RAPGEF4: variants seen among roughly 807,000 people sequenced by gnomAD.
RAPGEF4 encodes Rap guanine nucleotide exchange factor 4, also known as RAP guanine-nucleotide-exchange factor (GEF) 4.
In RAPGEF4, 66 loss-of-function variants were observed where a neutral mutation model predicts 147.9. That is an observed-to-expected ratio of 0.45 (90% CI 0.37 to 0.55). The LOEUF (loss-of-function observed/expected upper bound fraction) is 0.55, where lower values mean the gene tolerates loss of function less well. Ranked by LOEUF, RAPGEF4 falls within the 20% of genes least tolerant of loss-of-function variation. RAPGEF4 has a pLI of 0.00. For synonymous variants in RAPGEF4, 419 were observed against 442.7 expected, an observed-to-expected ratio of 0.95 and a Z score of 0.67; for missense variants, 1,071 against 1,257.3, an observed-to-expected ratio of 0.85 and a Z score of 2.24.
At chr2:172,879,953 A>C (rs1389474484) in intron 4 of RAPGEF4, among the ~76,000 whole-genome samples, 2 of 152,164 alleles carry the variant, frequency 1.3e-5, no homozygotes, top group Non-Finnish European at 2.9e-5. Flanking sequence ...TTTCCTTTTT[A>C]TTTTGGTAGT....
chr2:172,798,133 A>G (rs1686574168), intron 3 of RAPGEF4, among the ~76,000 whole-genome samples: 1 of 152,072 alleles, frequency 6.6e-6, no homozygotes, highest in South Asian at 2.1e-4. Flanking sequence ...GAAGGCTAAT[A>G]ATATTATTTT....
intron 10 of RAPGEF4, among the ~76,000 whole-genome samples, chr2:172,973,522 GA>G (rs954809827): frequency 1.2e-4 from 18 of 152,200 alleles, no homozygotes; most frequent in Admixed American, 9.2e-4. Context: ...AAGATGCTGG[GA>G]AAGTTCCCGC....
At chr2:172,762,134 A>C (rs1696409113) in intron 1 of RAPGEF4, among the ~76,000 whole-genome samples, 1 of 152,168 alleles carries the variant, frequency 6.6e-6, no homozygotes, top group South Asian at 2.1e-4. Context: ...AACAAACAAA[A>C]AACAAACATG....
chr2:172,973,960 A>G (rs995010605), intron 10 of RAPGEF4, among the ~76,000 whole-genome samples: 2 of 152,190 alleles, frequency 1.3e-5, no homozygotes, highest in African/African-American at 2.4e-5. Context: ...TCAGATTACA[A>G]GTCTCTTAAG....
At chr2:172,814,204 C>A in intron 3 of RAPGEF4, 75 bp from the exon 4 acceptor site, 1 of 1,453,338 alleles carries the variant, frequency 6.9e-7, no homozygotes, top group South Asian at 1.2e-5. Flanking sequence ...ACAAATTATA[C>A]TGCAGTTAAA....
intron 1 of RAPGEF4, among the ~76,000 whole-genome samples, chr2:172,741,699 G>A (rs1164388625): frequency 6.6e-6 from 1 of 152,044 alleles, no homozygotes; most frequent in Non-Finnish European, 1.5e-5. Flanking sequence ...TTTTAGACAG[G>A]GTCACTCTGT....
chr2:172,865,498 C>T, intron 4 of RAPGEF4, among the ~76,000 whole-genome samples: 1 of 152,210 alleles, frequency 6.6e-6, no homozygotes, highest in East Asian at 1.9e-4. Flanking sequence ...GGGCACTAGT[C>T]TTAAAATATA....
intron 18 of RAPGEF4, among the ~76,000 whole-genome samples, chr2:173,015,557 A>C (rs745546194): frequency 1.5e-4 from 23 of 152,212 alleles, no homozygotes; most frequent in Non-Finnish European, 2.9e-4. Flanking sequence ...TGAGGAATGA[A>C]GTATTTTGAA....
chr2:172,738,800 C>G (rs1361146508), intron 1 of RAPGEF4, among the ~76,000 whole-genome samples: 2 of 151,854 alleles, frequency 1.3e-5, no homozygotes, highest in Non-Finnish European at 2.9e-5. Context: ...ATTCAAGTGA[C>G]AACTGTTGTG....
intron 6 of RAPGEF4, among the ~76,000 whole-genome samples, chr2:172,936,601 G>A (rs1181857069): frequency 7.0e-6 from 1 of 142,468 alleles, no homozygotes; most frequent in African/African-American, 2.6e-5. Flanking sequence ...TTTTTTTTTT[G>A]CAATAATTTT....
intron 4 of RAPGEF4, among the ~76,000 whole-genome samples, chr2:172,895,658 T>G (rs989153977): frequency 1.3e-5 from 2 of 152,204 alleles, no homozygotes; most frequent in African/African-American, 2.4e-5. Context: ...TCGAATTTTG[T>G]GTTGACATAA....
At chr2:172,827,884 T>C (rs12477872) in intron 4 of RAPGEF4, among the ~76,000 whole-genome samples, 48,984 of 152,042 alleles carry the variant, frequency 0.32, 8,505 homozygotes, top group Middle Eastern at 0.46. Flanking sequence ...CAGCTCTCGC[T>C]GCTGCCCAAG....
intron 4 of RAPGEF4, among the ~76,000 whole-genome samples, chr2:172,825,553 T>C (rs891931266): frequency 6.6e-6 from 1 of 152,246 alleles, no homozygotes; most frequent in African/African-American, 2.4e-5. Flanking sequence ...ATGTAACATA[T>C]CCTCTTTTGG....
Position 172,895,703 on chromosome 2 carries a change from G to C in RAPGEF4, c.445-22099G>C, listed in dbSNP as rs72908248. Among the ~76,000 whole-genome samples the C allele has an allele frequency of 2.6e-5, 4 of 152,210 alleles. No homozygotes were observed. In the East Asian group the frequency reaches 7.7e-4, roughly 29 times the overall value. On this transcript the variant is annotated intron_variant, in intron 4 of 30. Coordinates refer to ENST00000397081, the MANE Select transcript of RAPGEF4 (RefSeq NM_007023.4). ...AAAGTATGTGTTCAGGTCACCAAGG[G>C]CACTCAGAGATGAGTATCTTATTTT...
At chr2:172,789,651 A>G (rs1191008209) in intron 1 of RAPGEF4, among the ~76,000 whole-genome samples, 5 of 152,206 alleles carry the variant, frequency 3.3e-5, no homozygotes, top group Non-Finnish European at 7.3e-5. Flanking sequence ...GGTAGCCACC[A>G]TTCCACTCTT....
intron 22 of RAPGEF4, among the ~76,000 whole-genome samples, chr2:173,019,684 T>A (rs1559190022): frequency 6.6e-6 from 1 of 152,186 alleles, no homozygotes; most frequent in Non-Finnish European, 1.5e-5. Context: ...TCCCTTCCAT[T>A]TCTGCTCCAG....
intron 26 of RAPGEF4, among the ~76,000 whole-genome samples, chr2:173,032,405 A>G (rs558887270): frequency 6.6e-6 from 1 of 152,344 alleles, no homozygotes; most frequent in Non-Finnish European, 1.5e-5. Context: ...AGTATTAAGA[A>G]TGAAAGAAAC....
At chr2:172,909,737 A>G (rs138909263) in intron 4 of RAPGEF4, among the ~76,000 whole-genome samples, 183 of 152,290 alleles carry the variant, frequency 1.2e-3, no homozygotes, top group Middle Eastern at 6.8e-3. Flanking sequence ...CTTAAGTTTC[A>G]TTTTGATTTT....
intron 4 of RAPGEF4, chr2:172,917,445 A>G (rs770867816): frequency 5.4e-6 from 3 of 557,294 alleles, no homozygotes; most frequent in South Asian, 2.9e-5. Context: ...ATCTGCATCT[A>G]TAAAGCTCGA....
Sources: allele counts gnomAD v4.1 joint callset (sites outside exome capture counted in the v4.1 genomes callset), GRCh38; gene constraint gnomAD v4.1.1; transcripts MANE v1.5; gene names NCBI Gene and HGNC (gene_info 2026-07-23, HGNC 2026-07-21).